Variants in COX10 observed in about 807,000 individuals in gnomAD.
The protein encoded by COX10 is protoheme IX farnesyltransferase, mitochondrial.
In COX10, 27 loss-of-function variants were observed where a neutral mutation model predicts 37.3. The ratio of observed to expected loss-of-function variants is 0.72; its 90% CI spans 0.53 to 1.00. The LOEUF is 1.00. Ranked by LOEUF, COX10 falls within the 50% of genes least tolerant of loss-of-function variation. COX10 has a pLI of 0.00. For synonymous variants in COX10, 222 were observed against 229.1 expected (o/e 0.97, Z 0.28); for missense variants, 475 against 563.2 (o/e 0.84, Z 1.59).
At chr17:14,205,062 G>A (rs905437592) in intron 6 of COX10, among the ~76,000 whole-genome samples, 1 of 152,168 alleles carries the variant, frequency 6.6e-6, no homozygotes, top group Admixed American at 6.5e-5. Flanking sequence ...AGCTGAGACT[G>A]TGCCACTGCA....
chr17:14,117,940 G>A (rs1436319883), intron 4 of COX10, among the ~76,000 whole-genome samples: 3 of 152,128 alleles, frequency 2.0e-5, no homozygotes, highest in African/African-American at 7.2e-5. Flanking sequence ...GGAGCCAGAA[G>A]GGGGATGGAA....
At chr17:14,195,183 A>G (rs1467723366) in intron 6 of COX10, among the ~76,000 whole-genome samples, 1 of 152,256 alleles carries the variant, frequency 6.6e-6, no homozygotes, top group African/African-American at 2.4e-5. Context: ...AATTTGATAG[A>G]ACCAACTTGA....
rs1915872503 is a variant in COX10 at position 14,105,578 on chromosome 17, A to G, written c.624+3336A>G. Among the ~76,000 whole-genome samples, 3 of 152,196 alleles carry G rather than the reference A, an allele frequency of 2.0e-5. No homozygotes were observed. In the South Asian group the frequency reaches 6.2e-4, roughly 31 times the overall value. On this transcript the variant is annotated intron_variant, in intron 4 of 6. Coordinates refer to ENST00000261643, the MANE Select transcript of COX10 (RefSeq NM_001303.4). ...TATTCCTTCTATTTCTATGTGTAAAACATTTTGTTTTGCTATTGAATTATT... is the reference window on the plus strand; with the variant it reads ...TATTCCTTCTATTTCTATGTGTAAAGCATTTTGTTTTGCTATTGAATTATT...
intron 3 of COX10, among the ~76,000 whole-genome samples, chr17:14,078,435 C>T (rs1915205266): frequency 1.3e-5 from 2 of 152,186 alleles, no homozygotes; most frequent in Admixed American, 1.3e-4. Flanking sequence ...CTGTCAGTTA[C>T]AGCATTCTTC....
intron 4 of COX10, among the ~76,000 whole-genome samples, chr17:14,118,559 G>C (rs181284049): frequency 6.6e-6 from 1 of 152,192 alleles, no homozygotes; most frequent in African/African-American, 2.4e-5. Context: ...CTTAGACTAA[G>C]ACCATTTACT....
At chr17:14,196,947 G>A (rs1299868427) in intron 6 of COX10, among the ~76,000 whole-genome samples, 1 of 152,186 alleles carries the variant, frequency 6.6e-6, no homozygotes, top group African/African-American at 2.4e-5. Flanking sequence ...GAGGCAGGTT[G>A]CACGGAACAT....
intron 4 of COX10, among the ~76,000 whole-genome samples, chr17:14,158,279 G>A (rs950857156): frequency 2.0e-5 from 3 of 151,824 alleles, no homozygotes; most frequent in African/African-American, 7.3e-5. Context: ...AGGATATGGG[G>A]AAAGGAAACA....
chr17:14,154,055 T>C (rs1904977174), intron 4 of COX10, among the ~76,000 whole-genome samples: 1 of 152,156 alleles, frequency 6.6e-6, no homozygotes, highest in Admixed American at 6.5e-5. Flanking sequence ...TACATAAAAC[T>C]CTAGAAAATG....
intron 5 of COX10, among the ~76,000 whole-genome samples, chr17:14,190,775 A>G (rs1906176488): frequency 6.6e-6 from 1 of 152,028 alleles, no homozygotes; most frequent in Non-Finnish European, 1.5e-5. Flanking sequence ...TCATAATTCT[A>G]CAAGTTAGTC....
intron 5 of COX10, among the ~76,000 whole-genome samples, chr17:14,184,438 A>C (rs535207240): frequency 8.8e-4 from 134 of 152,358 alleles, no homozygotes; most frequent in African/African-American, 2.9e-3. Flanking sequence ...CATATTTCTT[A>C]TGAAAAATCC....
At chr17:14,142,018 G>A (rs1904559507) in intron 4 of COX10, among the ~76,000 whole-genome samples, 1 of 152,034 alleles carries the variant, frequency 6.6e-6, no homozygotes, top group African/African-American at 2.4e-5. Flanking sequence ...ATTTCTCCGG[G>A]ATCAGGTTTT....
chr17:14,082,499 A>G (rs1915318947), intron 3 of COX10, among the ~76,000 whole-genome samples: 1 of 152,192 alleles, frequency 6.6e-6, no homozygotes, highest in Non-Finnish European at 1.5e-5. Context: ...TTCATTAGGA[A>G]CACAGGAAAA....
At chr17:14,200,533 C>G (rs1234904651) in intron 6 of COX10, among the ~76,000 whole-genome samples, 1 of 152,144 alleles carries the variant, frequency 6.6e-6, no homozygotes, top group Non-Finnish European at 1.5e-5. Flanking sequence ...GTGCCCTTCT[C>G]CATTTTCTGA....
chr17:14,160,993 A>G (rs560046524), intron 5 of COX10, among the ~76,000 whole-genome samples: 2 of 152,334 alleles, frequency 1.3e-5, no homozygotes, highest in East Asian at 3.9e-4. Flanking sequence ...TGCTCTCGCC[A>G]CTGGTAATGC....
chr17:14,145,606 G>A (rs1393835389), intron 4 of COX10, among the ~76,000 whole-genome samples: 2 of 152,156 alleles, frequency 1.3e-5, no homozygotes, highest in African/African-American at 4.8e-5. Flanking sequence ...GGCAAGAGCT[G>A]TTATGAAGAG....
chr17:14,149,270 C>T (rs1597522285), intron 4 of COX10, among the ~76,000 whole-genome samples: 1 of 151,876 alleles, frequency 6.6e-6, no homozygotes, highest in East Asian at 1.9e-4. Flanking sequence ...TCAATTAGTG[C>T]CCTTCAGATA....
chr17:14,140,048 A>G (rs936742425), intron 4 of COX10, among the ~76,000 whole-genome samples: 13 of 152,190 alleles, frequency 8.5e-5, no homozygotes, highest in Admixed American at 6.5e-5. Context: ...AGAGTTTGTG[A>G]TGAAAATTTT....
intron 6 of COX10, among the ~76,000 whole-genome samples, chr17:14,206,017 C>G (rs1205692571): frequency 6.6e-6 from 1 of 152,136 alleles, no homozygotes; most frequent in Non-Finnish European, 1.5e-5. Flanking sequence ...ACCGTTTTGT[C>G]CTTGTGACTC....
intron 4 of COX10, among the ~76,000 whole-genome samples, chr17:14,143,902 T>G (rs1332215414): frequency 6.6e-6 from 1 of 151,940 alleles, no homozygotes; most frequent in Non-Finnish European, 1.5e-5. Flanking sequence ...GTGTCAGGAG[T>G]GCTAAAGCAA....
Sources: allele counts gnomAD v4.1 joint callset (sites outside exome capture counted in the v4.1 genomes callset), GRCh38; gene constraint gnomAD v4.1.1; transcripts MANE v1.5; gene names NCBI Gene and HGNC (gene_info 2026-07-23, HGNC 2026-07-21).